Variants in PDE4D observed in about 807,000 individuals in gnomAD.
The protein encoded by PDE4D is 3',5'-cyclic-AMP phosphodiesterase 4D.
In PDE4D, 24 loss-of-function variants were observed where a neutral mutation model predicts 87.4. The observed-to-expected ratio is 0.27, with a 90% CI of 0.20 to 0.39. The LOEUF (loss-of-function observed/expected upper bound fraction) is 0.39, where lower values mean the gene tolerates loss of function less well. Ranked by LOEUF, PDE4D falls within the 10% of genes least tolerant of loss-of-function variation. The pLI, the probability that PDE4D is intolerant of heterozygous loss-of-function variation, is 1.00. For synonymous variants in PDE4D, 384 were observed against 383.2 expected, an observed-to-expected ratio of 1.00 and a Z score of -0.02; for missense variants, 714 against 1,041.0, an observed-to-expected ratio of 0.69 and a Z score of 4.32.
At chr5:60,232,715 A>C (rs1265542034) in intron 1 of PDE4D, among the ~76,000 whole-genome samples, 1 of 151,864 alleles carries the variant, frequency 6.6e-6, no homozygotes, top group Non-Finnish European at 1.5e-5. Context: ...AACTGTTCAC[A>C]AAACATAAAG....
At chr5:59,282,285 A>C (rs1048451607) in intron 1 of PDE4D, among the ~76,000 whole-genome samples, 1 of 152,174 alleles carries the variant, frequency 6.6e-6, no homozygotes, top group African/African-American at 2.4e-5. Flanking sequence ...ACAACTGGAA[A>C]GACCACATTG....
intron 1 of PDE4D, chr5:59,703,724 G>C (rs778028997): frequency 4.6e-6 from 2 of 434,402 alleles, no homozygotes; most frequent in Non-Finnish European, 9.7e-6. Flanking sequence ...TGGTCTACTA[G>C]AGAGAGATTT....
At chr5:59,005,720 A>T (rs1751469856) in intron 6 of PDE4D, among the ~76,000 whole-genome samples, 1 of 152,248 alleles carries the variant, frequency 6.6e-6, no homozygotes. Flanking sequence ...ACATTCTGAT[A>T]AGATAAATAT....
At chr5:60,019,935 C>T (rs1231471970) in intron 2 of PDE4D, among the ~76,000 whole-genome samples, 1 of 151,942 alleles carries the variant, frequency 6.6e-6, no homozygotes, top group East Asian at 1.9e-4. Flanking sequence ...CTGCTTGGCA[C>T]AAGAGGCTTA....
intron 1 of PDE4D, among the ~76,000 whole-genome samples, chr5:59,675,425 A>G (rs887680399): frequency 1.3e-5 from 2 of 152,194 alleles, no homozygotes; most frequent in Non-Finnish European, 2.9e-5. Flanking sequence ...AGCTGTTTGA[A>G]GGATATGAAA....
intron 6 of PDE4D, among the ~76,000 whole-genome samples, chr5:59,037,298 T>C (rs1498603): frequency 6.6e-6 from 1 of 152,176 alleles, no homozygotes; most frequent in African/African-American, 2.4e-5. Flanking sequence ...CATTGCTAAG[T>C]GGCTTTTGAT....
At position 60,122,072 on chromosome 5, in the gene PDE4D, A is replaced by G. The variant is rs1778734289; in HGVS notation, c.42+63485T>C. ...TCCTTTGACTCCATGTCTCACATCC[A>G]GGTCACATTGATGCAAGAGGTGGGT... On this transcript the variant is annotated intron_variant, in intron 2 of 16. Transcript: ENST00000502484. 4.6e-5 allele frequency among the ~76,000 whole-genome samples: 7 copies of G among 152,160 alleles called. No homozygotes were observed. The South Asian group carries it at 1.4e-3, about 32-fold the overall frequency.
At chr5:59,442,529 A>C (rs1273014395) in intron 1 of PDE4D, among the ~76,000 whole-genome samples, 1 of 152,252 alleles carries the variant, frequency 6.6e-6, no homozygotes, top group African/African-American at 2.4e-5. Context: ...ACATAATGTG[A>C]GTGAACAAAT....
intron 2 of PDE4D, among the ~76,000 whole-genome samples, chr5:60,161,753 C>T (rs572005608): frequency 6.6e-6 from 1 of 152,096 alleles, no homozygotes; most frequent in Non-Finnish European, 1.5e-5. Context: ...AACATTTTGT[C>T]GTTACAGATG....
At chr5:59,303,101 A>C (rs1340306315) in intron 1 of PDE4D, among the ~76,000 whole-genome samples, 1 of 152,048 alleles carries the variant, frequency 6.6e-6, no homozygotes, top group Middle Eastern at 3.2e-3. Context: ...CGGTGGTATC[A>C]CATTTTGTGT....
intron 1 of PDE4D, among the ~76,000 whole-genome samples, chr5:59,227,535 A>G (rs757101982): frequency 3.9e-5 from 6 of 152,180 alleles, no homozygotes; most frequent in Admixed American, 6.5e-5. Flanking sequence ...CTACAACGAA[A>G]TTAAACGAAC....
chr5:59,929,089 G>A (rs558071412), intron 3 of PDE4D, among the ~76,000 whole-genome samples: 7 of 151,630 alleles, frequency 4.6e-5, no homozygotes, highest in African/African-American at 1.7e-4. Context: ...TGTGTGTTAT[G>A]TGTGTGTGTG....
intron 1 of PDE4D, among the ~76,000 whole-genome samples, chr5:59,223,421 G>T (rs1440971855): frequency 2.0e-5 from 3 of 152,016 alleles, no homozygotes; most frequent in African/African-American, 7.2e-5. Flanking sequence ...ACTCTCCCCT[G>T]TGTATTGTAG....
chr5:59,448,227 G>A (rs1401099314), intron 1 of PDE4D, among the ~76,000 whole-genome samples: 3 of 152,090 alleles, frequency 2.0e-5, no homozygotes, highest in African/African-American at 7.2e-5. Flanking sequence ...TTGACAATAA[G>A]CTTTAAGATT....
At chr5:60,408,711 ACTT>A (rs1466488418) in intron 1 of PDE4D, among the ~76,000 whole-genome samples, 2 of 152,146 alleles carry the variant, frequency 1.3e-5, no homozygotes, top group Admixed American at 6.6e-5. Context: ...CCTTCAAAGG[ACTT>A]CTTATCATTT....
Position 60,006,278 on chromosome 5 carries a change from C to CA in PDE4D, c.43-17562dup, listed in dbSNP as rs374576549. 1.5e-3 allele frequency among the ~76,000 whole-genome samples: 225 copies of CA among 149,958 alleles called. 3 individuals are homozygous for CA. Among genetic ancestry groups the CA allele is most frequent in the African/African-American group, 5.3e-3 (213 of 40,250 alleles). Reference sequence around the variant, plus strand: ...AATTGTGGTTTTTGCCATTAAATGGCAAAAAAACACAATTACTTTCGCGCC... The same window carrying CA: ...AATTGTGGTTTTTGCCATTAAATGGCAAAAAAAACACAATTACTTTCGCGCC... On this transcript the variant is annotated intron_variant, in intron 2 of 16. Transcript: ENST00000502484.
chr5:59,450,924 C>G (rs1327119558), intron 1 of PDE4D, among the ~76,000 whole-genome samples: 1 of 147,438 alleles, frequency 6.8e-6, no homozygotes, highest in Non-Finnish European at 1.5e-5. Flanking sequence ...ACTTATTTTT[C>G]ACTGTACAAA....
intron 1 of PDE4D, among the ~76,000 whole-genome samples, chr5:59,750,911 T>G (rs1355712353): frequency 7.6e-6 from 1 of 131,228 alleles, no homozygotes; most frequent in East Asian, 2.2e-4. Flanking sequence ...CACTTTACTC[T>G]AGGCGGCCTG....
chr5:59,639,056 A>G (rs1741092504), intron 1 of PDE4D, among the ~76,000 whole-genome samples: 1 of 152,166 alleles, frequency 6.6e-6, no homozygotes, highest in Admixed American at 6.5e-5. Context: ...TCCATTACCT[A>G]GAAATATTTT....
Sources: allele counts gnomAD v4.1 joint callset (sites outside exome capture counted in the v4.1 genomes callset), GRCh38; gene constraint gnomAD v4.1.1; transcripts MANE v1.5; gene names NCBI Gene and HGNC (gene_info 2026-07-23, HGNC 2026-07-21).